FAM107B: variants seen among roughly 807,000 people sequenced by gnomAD.
FAM107B encodes the protein family with sequence similarity 107 member B.
In FAM107B, 21 loss-of-function variants were observed where a neutral mutation model predicts 31.5. That is an observed-to-expected ratio of 0.67 (90% CI 0.47 to 0.96). The LOEUF (loss-of-function observed/expected upper bound fraction) is 0.96. FAM107B is among the 40% of genes least tolerant of loss of function. FAM107B has a pLI of 0.00. For missense variants in FAM107B, 452 were observed against 377.1 expected (o/e 1.20, Z -1.64); for synonymous variants, 157 against 141.5 (o/e 1.11, Z -0.78).
chr10:14,592,561 G>C (rs538797329), intron 2 of FAM107B, among the ~76,000 whole-genome samples: 58 of 152,288 alleles, frequency 3.8e-4, no homozygotes, highest in African/African-American at 1.3e-3. Flanking sequence ...TTGTAGTTTG[G>C]CTTTGTTTTT....
chr10:14,707,956 A>T (rs990304361), intron 1 of FAM107B, among the ~76,000 whole-genome samples: 1 of 152,236 alleles, frequency 6.6e-6, no homozygotes, highest in Admixed American at 6.5e-5. Context: ...CATGTGTTAA[A>T]ATAGCTAGGA....
chr10:14,643,766 C>G (rs1295688743), intron 2 of FAM107B, among the ~76,000 whole-genome samples: 1 of 152,140 alleles, frequency 6.6e-6, no homozygotes, highest in Non-Finnish European at 1.5e-5. Context: ...CAGAAACATC[C>G]TCACTGACAC....
intron 1 of FAM107B, among the ~76,000 whole-genome samples, chr10:14,728,258 C>T (rs962475900): frequency 6.6e-6 from 1 of 151,932 alleles, no homozygotes; most frequent in Admixed American, 6.6e-5. Context: ...TACTCCAGTC[C>T]ATCAACTCTC....
At chr10:14,679,764 C>T (rs1173912175) in intron 1 of FAM107B, among the ~76,000 whole-genome samples, 1 of 152,158 alleles carries the variant, frequency 6.6e-6, no homozygotes, top group African/African-American at 2.4e-5. Flanking sequence ...AGACAGTGGA[C>T]TGGGAAAGGC....
At chr10:14,588,082 G>A (rs1232067395) in intron 2 of FAM107B, among the ~76,000 whole-genome samples, 1 of 152,172 alleles carries the variant, frequency 6.6e-6, no homozygotes, top group Non-Finnish European at 1.5e-5. Context: ...CGTGACGTTA[G>A]TAGAGAGAGT....
intron 2 of FAM107B, among the ~76,000 whole-genome samples, chr10:14,641,065 G>T (rs191797400): frequency 7.1e-4 from 108 of 152,302 alleles, no homozygotes; most frequent in Admixed American, 2.2e-3. Flanking sequence ...TACAAATGAA[G>T]AGATTACTTT....
chr10:14,661,315 T>C (rs529308764), intron 2 of FAM107B, among the ~76,000 whole-genome samples: 51 of 152,354 alleles, frequency 3.3e-4, no homozygotes, highest in African/African-American at 1.1e-3. Context: ...TAAACATTAT[T>C]TCTGGATGTG....
intron 1 of FAM107B, among the ~76,000 whole-genome samples, chr10:14,683,428 C>T (rs190589425): frequency 2.6e-5 from 4 of 152,268 alleles, no homozygotes; most frequent in East Asian, 1.9e-4. Flanking sequence ...CCAAGAAAGC[C>T]GCAGGAACAA....
intron 2 of FAM107B, among the ~76,000 whole-genome samples, chr10:14,611,624 A>C (rs1464141166): frequency 6.6e-6 from 1 of 151,382 alleles, no homozygotes. Flanking sequence ...GTGACCTCGG[A>C]TAAGAAACTT....
intron 1 of FAM107B, among the ~76,000 whole-genome samples, chr10:14,756,780 G>A (rs1225711825): frequency 6.6e-6 from 1 of 152,164 alleles, no homozygotes; most frequent in Non-Finnish European, 1.5e-5. Flanking sequence ...ATCAATGATA[G>A]ACTAGATAAG....
rs887426177 is a variant in FAM107B at position 14,768,853 on chromosome 10, T to A, written c.411+5400A>T. Among the ~76,000 whole-genome samples the A allele has an allele frequency of 2.0e-5, 3 of 152,330 alleles. No individual in the cohort carries two copies. In the South Asian group the frequency reaches 6.2e-4, roughly 32 times the overall value. ...TCAAAGCTTACAACTAAATGAGCAT[T>A]CTGACTTACGCATCAGGCTCTTGTA... On this transcript the variant is annotated intron_variant, in intron 1 of 4. Transcript: ENST00000181796.
At chr10:14,655,096 AAG>A (rs1408796771) in intron 2 of FAM107B, among the ~76,000 whole-genome samples, 1 of 152,192 alleles carries the variant, frequency 6.6e-6, no homozygotes, top group African/African-American at 2.4e-5. Flanking sequence ...ATTACATGGC[AAG>A]AGAGGATGCA....
chr10:14,668,054 G>A (rs1420685157), intron 1 of FAM107B, among the ~76,000 whole-genome samples: 1 of 151,538 alleles, frequency 6.6e-6, no homozygotes, highest in African/African-American at 2.4e-5. Flanking sequence ...TGTTTTTTGG[G>A]TTTTTTTTGG....
At chr10:14,586,682 C>T (rs1298495943) in intron 2 of FAM107B, among the ~76,000 whole-genome samples, 2 of 152,148 alleles carry the variant, frequency 1.3e-5, no homozygotes, top group Non-Finnish European at 2.9e-5. Context: ...AGTTCCCAAC[C>T]TCCAGAACTG....
intron 1 of FAM107B, among the ~76,000 whole-genome samples, chr10:14,691,581 A>T (rs1338028938): frequency 6.6e-6 from 1 of 152,174 alleles, no homozygotes; most frequent in Non-Finnish European, 1.5e-5. Flanking sequence ...CTTCAACAGA[A>T]GGGAAAACTG....
chr10:14,714,778 T>G lies in FAM107B; in HGVS notation c.412-47087A>C, dbSNP rs548186786. On this transcript the variant is annotated intron_variant, in intron 1 of 4. Transcript: ENST00000181796. ...AAGAATATTTATTTTCTTCTCAAAATAGCGACAGAGGCCAGAGAAGACAGA... is the reference window on the plus strand; with the variant it reads ...AAGAATATTTATTTTCTTCTCAAAAGAGCGACAGAGGCCAGAGAAGACAGA... Among the ~76,000 whole-genome samples the G allele has an allele frequency of 2.0e-5, 3 of 152,318 alleles. No homozygotes were observed. The East Asian group carries it at 5.8e-4, about 29-fold the overall frequency.
intron 1 of FAM107B, among the ~76,000 whole-genome samples, chr10:14,749,040 A>G (rs1832778556): frequency 6.6e-6 from 1 of 152,196 alleles, no homozygotes; most frequent in African/African-American, 2.4e-5. Context: ...AATAAGAAAA[A>G]GAGCCAGAAT....
At position 14,569,835 on chromosome 10, in the gene FAM107B, G is replaced by C. The variant is rs1851041171; in HGVS notation, c.470-39320C>G. On this transcript the variant is annotated intron_variant, in intron 2 of 4. Coordinates refer to ENST00000181796, the MANE Select transcript of FAM107B (RefSeq NM_031453.4). Reference sequence around the variant, plus strand: ...TGGGACTCTCGCGCCTACTGAGATGGACAGAGAGCTTCACAGGTGTCAACA... The same window carrying C: ...TGGGACTCTCGCGCCTACTGAGATGCACAGAGAGCTTCACAGGTGTCAACA... 2.0e-5 allele frequency among the ~76,000 whole-genome samples: 3 copies of C among 152,316 alleles called. No individual in the cohort carries two copies. In the South Asian group the frequency reaches 6.2e-4, roughly 32 times the overall value.
intron 1 of FAM107B, 116 bp downstream of exon 1, chr10:14,774,137 C>T (rs112147908): frequency 2.3e-5 from 30 of 1,311,156 alleles, no homozygotes; most frequent in South Asian, 1.3e-4. Context: ...TGAGAACGCC[C>T]GCAATGCCTT....
Sources: gnomAD v4.1 joint callset for allele counts (sites outside exome capture counted in the v4.1 genomes callset) on GRCh38, gnomAD v4.1.1 for gene constraint, MANE v1.5 for transcripts, NCBI Gene and HGNC (gene_info 2026-07-23, HGNC 2026-07-21) for gene names.